The following FSTL4 variants were observed in gnomAD, a reference collection of about 807,000 sequenced individuals.
FSTL4 encodes the protein follistatin like 4.
Under a neutral mutation model 78.2 loss-of-function variants are expected in FSTL4, and 28 were observed. That is an observed-to-expected ratio of 0.36 (90% CI 0.27 to 0.49). FSTL4 has a LOEUF of 0.49. Among genes scored for constraint, FSTL4 ranks in the 20% least tolerant of loss-of-function variants. FSTL4 has a pLI of 0.98. For synonymous variants in FSTL4, 422 were observed against 440.5 expected, an observed-to-expected ratio of 0.96 and a Z score of 0.53; for missense variants, 922 against 1,084.9, an observed-to-expected ratio of 0.85 and a Z score of 2.11.
intron 3 of FSTL4, among the ~76,000 whole-genome samples, chr5:133,491,302 C>T (rs1758261908): frequency 6.6e-6 from 1 of 152,058 alleles, no homozygotes; most frequent in South Asian, 2.1e-4. Context: ...ATTATGTGTT[C>T]CCAGTGAATT....
intron 1 of FSTL4, among the ~76,000 whole-genome samples, chr5:133,604,296 C>G (rs908422473): frequency 5.3e-5 from 8 of 152,202 alleles, no homozygotes; most frequent in Non-Finnish European, 1.2e-4. Flanking sequence ...CCTACCGTTA[C>G]ATCTATAAGA....
At chr5:133,214,287 C>G (rs1417622082) in intron 13 of FSTL4, among the ~76,000 whole-genome samples, 2 of 152,192 alleles carry the variant, frequency 1.3e-5, no homozygotes, top group Non-Finnish European at 2.9e-5. Context: ...ATAAAACAAG[C>G]TTCAATAAAT....
At chr5:133,329,084 G>A (rs1417733822) in intron 4 of FSTL4, among the ~76,000 whole-genome samples, 1 of 152,174 alleles carries the variant, frequency 6.6e-6, no homozygotes, top group Non-Finnish European at 1.5e-5. Flanking sequence ...TCAAGATGAG[G>A]GTTACTGGCT....
At position 133,611,202 on chromosome 5, in the gene FSTL4, C is replaced by G. The variant is rs1761083098; in HGVS notation, c.-11+1123G>C. 6.6e-6 allele frequency among the ~76,000 whole-genome samples: 1 copy of G among 152,086 alleles called. No homozygotes were observed. The highest frequency in any genetic ancestry group is 2.4e-5 in the African/African-American group (1 of 41,434). ...CGCCCCGGCACCCGCTCTCGAGCCG[C>G]GACACCGACCTCGCCGGGCCCGCCC... On this transcript the variant is annotated intron_variant, in intron 1 of 15. Coordinates refer to ENST00000265342, the MANE Select transcript of FSTL4 (RefSeq NM_015082.2). The surrounding 1 kb of genome is among the most constrained non-coding windows in gnomAD (Gnocchi z 4.9).
chr5:133,292,046 C>T (rs989098826), intron 6 of FSTL4, among the ~76,000 whole-genome samples: 2 of 152,212 alleles, frequency 1.3e-5, no homozygotes, highest in African/African-American at 2.4e-5. Flanking sequence ...TGAGTCTCCA[C>T]CCAGCCCATG....
intron 6 of FSTL4, among the ~76,000 whole-genome samples, chr5:133,307,317 T>C (rs1342990062): frequency 6.6e-6 from 1 of 152,178 alleles, no homozygotes; most frequent in Admixed American, 6.5e-5. Context: ...GCTTGAAGTT[T>C]AGGGAAATCA....
chr5:133,820,130 C>G, the FSTL4 span, among the ~76,000 whole-genome samples: 1 of 152,208 alleles, frequency 6.6e-6, no homozygotes, highest in Non-Finnish European at 1.5e-5. Context: ...GTCGCAGAGG[C>G]CTGTGTCCTC....
chr5:133,462,230 C>A (rs1389097212), intron 3 of FSTL4, among the ~76,000 whole-genome samples: 1 of 152,228 alleles, frequency 6.6e-6, no homozygotes, highest in Non-Finnish European at 1.5e-5. Context: ...GATGTCTTCT[C>A]AAACAGAAAG....
chr5:133,617,005 AAGAAGTCCTG>A (rs1332090184), upstream of FSTL4, among the ~76,000 whole-genome samples: 1 of 152,132 alleles, frequency 6.6e-6, no homozygotes, highest in Non-Finnish European at 1.5e-5. Context: ...ACTTCAGATC[AAGAAGTCCTG>A]TCTGGCTGGG....
chr5:133,768,766 A>C, the FSTL4 span, among the ~76,000 whole-genome samples: 12 of 152,246 alleles, frequency 7.9e-5, no homozygotes, highest in Admixed American at 7.9e-4. Flanking sequence ...CTCAGAGAAC[A>C]GAGAAGCTTC....
intron 3 of FSTL4, among the ~76,000 whole-genome samples, chr5:133,423,856 G>A (rs1230532428): frequency 6.6e-6 from 1 of 152,228 alleles, no homozygotes; most frequent in Non-Finnish European, 1.5e-5. Context: ...TCACAACGGA[G>A]TACTCGGTGG....
At chr5:133,320,746 G>A (rs1216634096) in intron 4 of FSTL4, among the ~76,000 whole-genome samples, 2 of 152,124 alleles carry the variant, frequency 1.3e-5, no homozygotes, top group Non-Finnish European at 2.9e-5. Context: ...GGTGGCTCAC[G>A]CCTGTAATCC....
At chr5:133,580,105 G>C (rs1760369101) in intron 2 of FSTL4, among the ~76,000 whole-genome samples, 1 of 152,176 alleles carries the variant, frequency 6.6e-6, no homozygotes, top group African/African-American at 2.4e-5. Context: ...ACCAGAAACT[G>C]TCATCTGACA....
At chr5:133,285,122 C>T (rs770738806) in intron 6 of FSTL4, among the ~76,000 whole-genome samples, 6 of 152,216 alleles carry the variant, frequency 3.9e-5, no homozygotes, top group Non-Finnish European at 8.8e-5. Flanking sequence ...TGGTGTTGCC[C>T]CTTCTATGCC....
chr5:133,199,707 G>A lies in FSTL4; in HGVS notation c.1917C>T (p.His639=). The change falls in exon 16 of 16, where the codon CAC becomes CAT. Residue 639 remains histidine (H), a synonymous_variant. Coordinates refer to ENST00000265342, the MANE Select transcript of FSTL4 (RefSeq NM_015082.2). This position sits in a 1 kb window ranked among gnomAD's most constrained non-coding sequence, Gnocchi z 4.4. ...MMPLKTIGLH[H]HGCVPQAMAH... ...CCATGGCCTGGGGCACGCAGCCATG[G>A]TGGTGCAGGCCGATGGTCTTGAGGG... is the stretch of plus-strand genomic sequence containing the variant. The A allele has an allele frequency of 6.2e-7, 1 of 1,613,278 alleles. No homozygotes were observed. Among genetic ancestry groups the A allele is most frequent in the South Asian group, 1.1e-5 (1 of 90,952 alleles).
intron 3 of FSTL4, among the ~76,000 whole-genome samples, chr5:133,510,558 G>A (rs1758708909): frequency 6.6e-6 from 1 of 152,040 alleles, no homozygotes; most frequent in African/African-American, 2.4e-5. Flanking sequence ...AACAGACCAT[G>A]CAAGCTTTCA....
the FSTL4 span, among the ~76,000 whole-genome samples, chr5:133,776,993 G>GCC: frequency 6.6e-6 from 1 of 152,056 alleles, no homozygotes; most frequent in African/African-American, 2.4e-5. Flanking sequence ...CCCTAAGATA[G>GCC]TACCTCAGCT....
At chr5:133,806,260 C>T in the FSTL4 span, among the ~76,000 whole-genome samples, 1 of 151,940 alleles carries the variant, frequency 6.6e-6, no homozygotes, top group African/African-American at 2.4e-5. Flanking sequence ...GAGTAGACAA[C>T]GTCCTCCACT....
chr5:133,535,726 G>A (rs1165836867), intron 3 of FSTL4, among the ~76,000 whole-genome samples: 1 of 152,072 alleles, frequency 6.6e-6, no homozygotes, highest in Non-Finnish European at 1.5e-5. Flanking sequence ...GCTGTTCTCG[G>A]CAGAGAACAA....
Sources: allele counts gnomAD v4.1 joint callset (sites outside exome capture counted in the v4.1 genomes callset), GRCh38; gene constraint gnomAD v4.1.1; non-coding constraint Gnocchi (gnomAD v3.1); transcripts MANE v1.5; gene names NCBI Gene and HGNC (gene_info 2026-07-23, HGNC 2026-07-21).